The following HIPK2 variants were observed in gnomAD, a reference collection of about 807,000 sequenced individuals.
HIPK2 encodes homeodomain-interacting protein kinase 2.
A neutral mutation model predicts 113.7 loss-of-function variants in HIPK2; 27 were observed. The observed-to-expected ratio is 0.24, with a 90% CI of 0.17 to 0.33. The LOEUF is 0.33. HIPK2 is among the 10% of genes least tolerant of loss of function. The pLI, the probability that HIPK2 is intolerant of heterozygous loss-of-function variation, is 1.00. For synonymous variants in HIPK2, 631 were observed against 642.2 expected, an observed-to-expected ratio of 0.98 and a Z score of 0.26; for missense variants, 1,257 against 1,588.0, an observed-to-expected ratio of 0.79 and a Z score of 3.54.
rs553893400 is a variant in HIPK2 at position 139,744,308 on chromosome 7, G to T, written c.20-27293C>A. 8.2e-4 allele frequency among the ~76,000 whole-genome samples: 125 copies of T among 152,324 alleles called. 1 individual carries two copies. Among genetic ancestry groups the T allele is most frequent in the African/African-American group, 2.8e-3 (116 of 41,564 alleles). On this transcript the variant is annotated intron_variant, in intron 1 of 14. Coordinates refer to ENST00000406875, the MANE Select transcript of HIPK2 (RefSeq NM_022740.5). The stretch of plus-strand genomic sequence containing the variant: ...AAAAACATCATGCTAAGCAAAAGAA[G>T]CCAGACACAAAAGATCACACATTGT...
chr7:139,730,898 G>C (rs960250619), intron 1 of HIPK2, among the ~76,000 whole-genome samples: 1 of 152,162 alleles, frequency 6.6e-6, no homozygotes, highest in Non-Finnish European at 1.5e-5. Flanking sequence ...CATCGACAGA[G>C]GCAGAGACTG....
chr7:139,774,953 T>C (rs572309265), intron 1 of HIPK2, among the ~76,000 whole-genome samples: 1 of 152,374 alleles, frequency 6.6e-6, no homozygotes, highest in South Asian at 2.1e-4. Context: ...ACCCATTAAT[T>C]GGTATTATCA....
intron 1 of HIPK2, among the ~76,000 whole-genome samples, chr7:139,760,284 G>A (rs1174239804): frequency 3.3e-5 from 5 of 151,724 alleles, no homozygotes; most frequent in South Asian, 2.1e-4. Flanking sequence ...GATTACAGGC[G>A]TGAGCCACCG....
chr7:139,736,084 G>C (rs1795930873), intron 1 of HIPK2, among the ~76,000 whole-genome samples: 2 of 152,132 alleles, frequency 1.3e-5, no homozygotes, highest in South Asian at 4.1e-4. Context: ...GTGGCTGAGA[G>C]GGGAGGGAGG....
At chr7:139,698,714 G>A (rs1313518793) in intron 2 of HIPK2, among the ~76,000 whole-genome samples, 1 of 152,042 alleles carries the variant, frequency 6.6e-6, no homozygotes, top group Non-Finnish European at 1.5e-5. Context: ...CCTTCAACAG[G>A]CCCTGTGAAA....
chr7:139,726,688 C>T (rs935451654), intron 1 of HIPK2, among the ~76,000 whole-genome samples: 7 of 152,206 alleles, frequency 4.6e-5, no homozygotes, highest in Admixed American at 2.0e-4. Context: ...TTGTGAATGA[C>T]GATCACCCAC....
At chr7:139,755,419 G>A (rs1022032574) in intron 1 of HIPK2, among the ~76,000 whole-genome samples, 4 of 152,144 alleles carry the variant, frequency 2.6e-5, no homozygotes, top group African/African-American at 9.7e-5. Flanking sequence ...GTTGGTTTCT[G>A]TCCCTTGAAG....
At chr7:139,675,964 T>C (rs1471886196) in intron 2 of HIPK2, among the ~76,000 whole-genome samples, 2 of 152,218 alleles carry the variant, frequency 1.3e-5, no homozygotes, top group Non-Finnish European at 2.9e-5. Flanking sequence ...ATCATTCTCA[T>C]GTCAACTTTC....
chr7:139,776,046 G>A (rs1026314793), intron 1 of HIPK2, among the ~76,000 whole-genome samples: 1 of 152,192 alleles, frequency 6.6e-6, no homozygotes, highest in African/African-American at 2.4e-5. Flanking sequence ...TAGACAGTGG[G>A]AGCATTGACT....
chr7:139,639,232 G>A (rs1800920422), intron 2 of HIPK2, among the ~76,000 whole-genome samples: 1 of 152,204 alleles, frequency 6.6e-6, no homozygotes, highest in African/African-American at 2.4e-5. Context: ...ATAAGGCTCT[G>A]AGGTCCTAGA....
intron 2 of HIPK2, among the ~76,000 whole-genome samples, chr7:139,710,130 C>A (rs193038946): frequency 8.0e-4 from 122 of 152,222 alleles, no homozygotes; most frequent in Non-Finnish European, 1.5e-3. Context: ...TAAACTTCTC[C>A]TTTGTTCCAG....
intron 2 of HIPK2, among the ~76,000 whole-genome samples, chr7:139,632,747 GTTTGAGA>G (rs935315084): frequency 6.6e-6 from 1 of 152,104 alleles, no homozygotes; most frequent in African/African-American, 2.4e-5. Context: ...CAGGCTCAAA[GTTTGAGA>G]TATGAACACA....
At chr7:139,616,656 G>C (rs1390774290) in intron 7 of HIPK2, among the ~76,000 whole-genome samples, 1 of 152,190 alleles carries the variant, frequency 6.6e-6, no homozygotes, top group Non-Finnish European at 1.5e-5. Flanking sequence ...TAATGGAAAT[G>C]AATTGCTCCT....
rs184876866 is a variant in HIPK2, at chr7:139,623,111, G to T, written c.1620-2548C>A. Reference sequence around the variant, plus strand: ...TCCCATTTTACCCGTGATATCAAAAGACTGAAATCATGGGAGCCCTATCCA... The same window carrying T: ...TCCCATTTTACCCGTGATATCAAAATACTGAAATCATGGGAGCCCTATCCA... On this transcript the variant is annotated intron_variant, in intron 6 of 14. Transcript: ENST00000406875. Among the ~76,000 whole-genome samples the T allele has an allele frequency of 2.1e-3, 322 of 152,296 alleles. 8 individuals carry two copies. The highest frequency in any genetic ancestry group is 0.019 in the Admixed American group (295 of 15,302).
intron 12 of HIPK2, among the ~76,000 whole-genome samples, chr7:139,588,352 C>A (rs184967426): frequency 5.4e-5 from 8 of 147,038 alleles, no homozygotes; most frequent in African/African-American, 1.3e-4. Flanking sequence ...AAAAAAAAAA[C>A]AAAAAAACAA....
At chr7:139,644,257 C>T (rs1458921335) in intron 2 of HIPK2, among the ~76,000 whole-genome samples, 1 of 152,068 alleles carries the variant, frequency 6.6e-6, no homozygotes, top group Non-Finnish European at 1.5e-5. Flanking sequence ...AAACAAAGAC[C>T]AGTGTCACTA....
At chr7:139,773,929 G>A (rs1361265604) in intron 1 of HIPK2, among the ~76,000 whole-genome samples, 1 of 152,184 alleles carries the variant, frequency 6.6e-6, no homozygotes, top group African/African-American at 2.4e-5. Flanking sequence ...TGCCCCAGCA[G>A]TTTATTTCCA....
chr7:139,651,245 A>G (rs1418018699), intron 2 of HIPK2, among the ~76,000 whole-genome samples: 1 of 152,190 alleles, frequency 6.6e-6, no homozygotes, highest in African/African-American at 2.4e-5. Context: ...CAGCCTGAGG[A>G]GGACTTCCAA....
rs1801067679 is a variant in HIPK2, at chr7:139,642,659, C to T, written c.1104-10934G>A. On this transcript the variant is annotated intron_variant, in intron 2 of 14. Coordinates refer to ENST00000406875, the MANE Select transcript of HIPK2 (RefSeq NM_022740.5). ...GATTCTTAAAAAGACACACAGCTTC[C>T]TAGGCAAACAGGAGATCAAAGAGAA... is the stretch of plus-strand genomic sequence containing the variant. Among the ~76,000 whole-genome samples, 6 of 152,248 alleles carry T rather than the reference C, an allele frequency of 3.9e-5. No homozygotes were observed. The South Asian group carries it at 1.2e-3, about 32-fold the overall frequency.
Sources: gnomAD v4.1 joint callset for allele counts (sites outside exome capture counted in the v4.1 genomes callset) on GRCh38, gnomAD v4.1.1 for gene constraint, MANE v1.5 for transcripts, NCBI Gene and HGNC (gene_info 2026-07-23, HGNC 2026-07-21) for gene names.